Variants in MACF1 observed in about 807,000 individuals in gnomAD.
MACF1 encodes microtubule-actin cross-linking factor 1.
A neutral mutation model predicts 854.8 loss-of-function variants in MACF1; 193 were observed. That is an observed-to-expected ratio of 0.23 (90% CI 0.20 to 0.25). The LOEUF is 0.25. Ranked by LOEUF, MACF1 falls within the 10% of genes least tolerant of loss-of-function variation. MACF1 has a pLI of 1.00. For synonymous variants in MACF1, 3,185 were observed against 3,226.7 expected (o/e 0.99, Z 0.44); for missense variants, 7,722 against 8,929.1 (o/e 0.86, Z 5.45).
chr1:39,428,323 CTGTTATTT>C, intron 63 of MACF1, 36 bp downstream of exon 63: 9 of 1,510,234 alleles, frequency 6.0e-6, no homozygotes, highest in Middle Eastern at 2.1e-4. Context: ...TTATGTTATT[CTGTTATTT>C]TGTTATTTTG....
intron 87 of MACF1, among the ~76,000 whole-genome samples, chr1:39,453,366 A>T (rs1644375240): frequency 6.6e-6 from 1 of 152,256 alleles, no homozygotes; most frequent in South Asian, 2.1e-4. Context: ...CAATACAAAT[A>T]TGTTTACCAA....
Position 39,427,489 on chromosome 1 carries a change from A to G in MACF1, c.16351A>G (p.Lys5451Glu), listed in dbSNP as rs759637174. 2.5e-6 allele frequency: 4 copies of G among 1,614,148 alleles called. No homozygotes were observed. Among genetic ancestry groups the G allele is most frequent in the Non-Finnish European group, 3.4e-6 (4 of 1,179,998 alleles). ...KQLEDILVLA[K>E]QFHETAEPIS... The stretch of plus-strand genomic sequence containing the variant: ...GCTGGAAGACATCCTGGTTCTGGCC[A>G]AACAGTTCCATGAGACAGCTGAGCC... The change falls in exon 62 of 101, where the codon AAA (lysine) becomes GAA (glutamate). Residue 5451 changes from lysine to glutamate, a missense_variant. Around this residue, in one of 15 missense-constraint regions of MACF1, gnomAD observed 2,807 missense variants for 3,235.8 expected, o/e 0.87. Coordinates refer to ENST00000564288, the MANE Select transcript of MACF1 (RefSeq NM_001394062.1).
At position 39,249,917 on chromosome 1, in the gene MACF1, C is replaced by A. The variant is rs1373969566; in HGVS notation, c.172-97C>A. ...TAATTGTTGCTTCCACTTTTAAATT[C>A]TTTAATTTGTGTTTACCTAGAACCA... On this transcript the variant is annotated intron_variant, in intron 2 of 100. Transcript: ENST00000564288. 1.4e-5 allele frequency: 9 copies of A among 625,192 alleles called. No individual in the cohort carries two copies. In the African/African-American group the frequency reaches 1.7e-4, roughly 12 times the overall value. The allele number at this position is 625,192 out of a possible 1,614,324, so 38.7% of individuals were successfully genotyped here.
Position 39,333,117 on chromosome 1 carries a change from A to G in MACF1, c.6529A>G (p.Thr2177Ala), listed in dbSNP as rs757134690. The change falls in exon 37 of 101, where the codon ACT becomes GCT. Residue 2177 changes from threonine (T) to alanine (A), a missense_variant. Transcript: ENST00000564288. ...TACATGTCAGAATGAACAAGCACAC[A>G]CTCTTGAGACTGAATATATTCATGA... Reference protein sequence around the residue: ...SFTCQNEQAHTLETEYIHDET... With the variant: ...SFTCQNEQAHALETEYIHDET... The G allele has an allele frequency of 3.7e-6, 6 of 1,614,096 alleles. No homozygotes were observed. The highest frequency in any genetic ancestry group is 1.1e-5 in the South Asian group (1 of 91,062).
chr1:39,438,583 G>A (rs932609402), intron 71 of MACF1, among the ~76,000 whole-genome samples: 7 of 152,140 alleles, frequency 4.6e-5, no homozygotes, highest in African/African-American at 1.7e-4. Context: ...CCAGGAGTTC[G>A]AGACCAGCCT....
intron 6 of MACF1, among the ~76,000 whole-genome samples, chr1:39,281,348 C>T (rs1290541168): frequency 6.6e-6 from 1 of 151,970 alleles, no homozygotes; most frequent in East Asian, 1.9e-4. Flanking sequence ...ATGCCTTGTA[C>T]ATATATATGA....
At chr1:39,185,822 T>C (rs1644161618) in intron 2 of MACF1, among the ~76,000 whole-genome samples, 1 of 152,152 alleles carries the variant, frequency 6.6e-6, no homozygotes, top group Non-Finnish European at 1.5e-5. Context: ...AGCAGCCATC[T>C]CCCTGTATCT....
chr1:39,365,682 C>CTT (rs960056817), intron 49 of MACF1, among the ~76,000 whole-genome samples: 2 of 144,558 alleles, frequency 1.4e-5, no homozygotes, highest in African/African-American at 5.0e-5. Flanking sequence ...TCTTTTTTTT[C>CTT]TTTTTTTTTT....
intron 2 of MACF1, among the ~76,000 whole-genome samples, chr1:39,164,261 G>T (rs961839108): frequency 2.6e-5 from 4 of 152,004 alleles, no homozygotes; most frequent in Admixed American, 1.3e-4. Flanking sequence ...GGAATCACTG[G>T]GTCTTAATAC....
chr1:39,437,984 G>A lies in MACF1; in HGVS notation c.18196G>A (p.Ala6066Thr). ...GGAGCTTATTGGACGATCTCAGGGA[G>A]CAGACAAGGATCTGGCTGCAAAAGG... ...GEELIGRSQG[A>T]DKDLAAKEIQ... Residue 6066 changes from alanine (A) to threonine (T), a missense_variant, in exon 71 of 101, where the codon GCA (alanine) becomes ACA (threonine). This residue lies in a region of MACF1 where 2,807 missense variants were observed against 3,235.8 expected (regional missense o/e 0.87). Coordinates refer to ENST00000564288, the MANE Select transcript of MACF1 (RefSeq NM_001394062.1). The A allele has an allele frequency of 1.2e-6, 2 of 1,614,102 alleles. No homozygotes were observed. The highest frequency in any genetic ancestry group is 8.5e-7 in the Non-Finnish European group (1 of 1,180,004).
Position 39,238,481 on chromosome 1 carries a change from G to A in MACF1, c.171+7238G>A, listed in dbSNP as rs111520395. On this transcript the variant is annotated intron_variant, in intron 2 of 100. Transcript: ENST00000564288. ...AGCTAAGAGTGGCCCCTGCCCTTGG[G>A]TTTGGCCCCTAGCTGATTGTTTCAT... is the stretch of plus-strand genomic sequence containing the variant. 7.6e-4 allele frequency among the ~76,000 whole-genome samples: 116 copies of A among 152,334 alleles called. 1 individual carries two copies. Among genetic ancestry groups the A allele is most frequent in the South Asian group, 1.7e-3 (8 of 4,828 alleles).
chr1:39,088,819 C>T (rs1484945199), intron 2 of MACF1, among the ~76,000 whole-genome samples: 1 of 152,200 alleles, frequency 6.6e-6, no homozygotes, highest in Non-Finnish European at 1.5e-5. Flanking sequence ...GTGCGATTCA[C>T]ATCACATTTG....
chr1:39,084,949 T>C lies in MACF1; in HGVS notation c.220+511T>C, dbSNP rs7546735. Among the ~76,000 whole-genome samples the C allele has an allele frequency of 0.21, 31,530 of 152,158 alleles. 4,127 individuals are homozygous for C. The highest frequency in any genetic ancestry group is 0.29 in the Non-Finnish European group (19,542 of 67,976). On this transcript the variant is annotated intron_variant, in intron 2 of 93. Transcript: ENST00000361689. This position sits in a 1 kb window ranked among gnomAD's most constrained non-coding sequence, Gnocchi z 5.2. ...TGTTATTTCCTTATAATGAAATCCT[T>C]GGAGAGTACAGTTTTACTTGTATCG...
intron 89 of MACF1, among the ~76,000 whole-genome samples, chr1:39,455,762 T>C (rs1644423517): frequency 6.6e-6 from 1 of 152,164 alleles, no homozygotes; most frequent in African/African-American, 2.4e-5. Flanking sequence ...ATGAACCCAG[T>C]GGTCAGTGAA....
chr1:39,353,296 A>G (rs1647258203), intron 44 of MACF1, 65 bp downstream of exon 44: 2 of 1,251,092 alleles, frequency 1.6e-6, no homozygotes, highest in Non-Finnish European at 2.2e-6. Context: ...AAGTAACCAC[A>G]ATCACCTTGC....
chr1:39,478,059 G>A (rs906183649), intron 97 of MACF1, among the ~76,000 whole-genome samples: 3 of 140,494 alleles, frequency 2.1e-5, no homozygotes, highest in Admixed American at 7.7e-5. Context: ...CTGGAGTGCA[G>A]TGGCACGATC....
chr1:39,269,833 C>G (rs1177491403), intron 6 of MACF1: 4 of 855,730 alleles, frequency 4.7e-6, no homozygotes, highest in Non-Finnish European at 6.3e-6. Flanking sequence ...TCAAACTTAC[C>G]CCCATGTGGG....
At chr1:39,440,856 A>C (rs1644101112) in intron 72 of MACF1, 147 bp from the exon 73 acceptor site, 1 of 656,792 alleles carries the variant, frequency 1.5e-6, no homozygotes, top group Non-Finnish European at 2.6e-6. Flanking sequence ...ATAACCATGT[A>C]GAGTCTGAAG....
rs1641622530 is a variant in MACF1 at position 39,084,631 on chromosome 1, G to A, written c.220+193G>A. On this transcript the variant is annotated intron_variant, in intron 2 of 93. Coordinates refer to the MACF1 transcript ENST00000361689. The surrounding 1 kb of genome is among the most constrained non-coding windows in gnomAD (Gnocchi z 5.2). Reference sequence around the variant, plus strand: ...CGAAAAACTCAAAAGAGGAAAATCTGCCACCCCTTGCTCACGTGAGACCTG... The same window carrying A: ...CGAAAAACTCAAAAGAGGAAAATCTACCACCCCTTGCTCACGTGAGACCTG... 6.6e-6 allele frequency among the ~76,000 whole-genome samples: 1 copy of A among 152,156 alleles called. No individual in the cohort carries two copies. The highest frequency in any genetic ancestry group is 2.1e-4 in the South Asian group (1 of 4,824).
Sources: gnomAD v4.1 joint callset for allele counts (sites outside exome capture counted in the v4.1 genomes callset) on GRCh38, gnomAD v4.1.1 for gene constraint, gnomAD v4.1.1 regional missense constraint, Gnocchi (gnomAD v3.1) non-coding constraint, MANE v1.5 for transcripts, NCBI Gene and HGNC (gene_info 2026-07-23, HGNC 2026-07-21) for gene names.